The following RTN2 variants were observed in gnomAD, a reference collection of about 807,000 sequenced individuals.
RTN2 encodes reticulon-2.
RTN2 carries 36 observed loss-of-function variants against 63.7 expected under a neutral mutation model. That is an observed-to-expected ratio of 0.56 (90% CI 0.43 to 0.75). The LOEUF (loss-of-function observed/expected upper bound fraction) is 0.75. RTN2 is among the 30% of genes least tolerant of loss of function. RTN2 has a pLI of 0.00. For missense variants in RTN2, 673 were observed against 705.1 expected, an observed-to-expected ratio of 0.95 and a Z score of 0.52; for synonymous variants, 312 against 313.0, an observed-to-expected ratio of 1.00 and a Z score of 0.03.
intron 7 of RTN2, 66 bp downstream of exon 7, chr19:45,488,782 C>G: frequency 6.3e-7 from 1 of 1,592,926 alleles, no homozygotes; most frequent in African/African-American, 1.3e-5. Context: ...AACAGTCGCC[C>G]TCCCACCCCC....
intron 1 of RTN2, 99 bp downstream of exon 1, chr19:45,496,693 C>A (rs1455805008): frequency 6.6e-6 from 5 of 759,364 alleles, no homozygotes; most frequent in African/African-American, 5.5e-5. Flanking sequence ...CTCCTCCCCC[C>A]ATCCCGGCTC....
chr19:45,493,359 T>C lies in RTN2; in HGVS notation c.834A>G (p.Leu278=), dbSNP rs1555798029. The C allele has an allele frequency of 6.2e-7, 1 of 1,608,748 alleles. No individual in the cohort carries two copies. The highest frequency in any genetic ancestry group is 8.5e-7 in the Non-Finnish European group (1 of 1,178,604). The change falls in exon 5 of 11, where the codon TTA becomes TTG. Residue 278 remains leucine, a synonymous_variant. Coordinates refer to ENST00000245923, the MANE Select transcript of RTN2 (RefSeq NM_005619.5). ...AAACAGCCAAAAGCAATGATGTCTTTAACCATTCCATAGCTGTTCCTGGAG... is the reference window on the plus strand; with the variant it reads ...AAACAGCCAAAAGCAATGATGTCTTCAACCATTCCATAGCTGTTCCTGGAG... The part of the protein sequence containing the change: ...PRLLGTAMEW[L]KTSLLLAVYK...
Position 45,493,166 on chromosome 19 carries a change from T to A in RTN2, c.1027A>T (p.Ser343Cys). The change falls in exon 5 of 11, where the codon AGT becomes TGT. Residue 343 changes from serine (S) to cysteine (C), a missense_variant. Transcript: ENST00000245923. ...PSLSLGADMG[S>C]KVADLLYWKD... ...GCCCGTTCCGCAAGCCCACCTTTAC[T>A]CCCCATATCGGCTCCGAGTGAGAGG... The A allele has an allele frequency of 1.2e-6, 2 of 1,611,348 alleles. No individual in the cohort carries two copies. The highest frequency in any genetic ancestry group is 1.7e-6 in the Non-Finnish European group (2 of 1,179,678).
At position 45,489,530 on chromosome 19, in the gene RTN2, C is replaced by G. The variant is rs1469719785; in HGVS notation, c.1057G>C (p.Asp353His). ...AAGACCACTCCTGACGTCCTCGTGT[C>G]CTTCCAGTACAGCAGGTCCGCCACT... ...SKVADLLYWK[D>H]TRTSGVVFTG... Residue 353 changes from aspartate to histidine, a missense_variant, in exon 6 of 11, where the codon GAC becomes CAC. Coordinates refer to ENST00000245923, the MANE Select transcript of RTN2 (RefSeq NM_005619.5). The G allele has an allele frequency of 1.2e-6, 2 of 1,605,808 alleles. No individual in the cohort carries two copies. Among genetic ancestry groups the G allele is most frequent in the Non-Finnish European group, 1.7e-6 (2 of 1,176,394 alleles).
intron 5 of RTN2, among the ~76,000 whole-genome samples, chr19:45,490,311 T>C (rs913975604): frequency 3.9e-5 from 6 of 152,150 alleles, no homozygotes; most frequent in African/African-American, 1.4e-4. Flanking sequence ...TAATTCATTA[T>C]TTTAAAGAGC....
At position 45,494,049 on chromosome 19, in the gene RTN2, A is replaced by C; in HGVS notation, c.814+117T>G. 2 of 1,434,594 alleles carry C rather than the reference A, an allele frequency of 1.4e-6. No homozygotes were observed. The highest frequency in any genetic ancestry group is 1.9e-6 in the Non-Finnish European group (2 of 1,066,820). 88.9% of individuals were successfully genotyped at this position (1,434,594 alleles called of 1,614,324 possible). ...TCTAGCCAGATGTGATATCACGTCT[A>C]TCTCTTCCCTTTTCCACTATGTACT... is the stretch of plus-strand genomic sequence containing the variant. On this transcript the variant is annotated intron_variant, in intron 4 of 10. Transcript: ENST00000245923. The surrounding 1 kb of genome is among the most constrained non-coding windows in gnomAD (Gnocchi z 5.3).
chr19:45,493,334 A>G lies in RTN2; in HGVS notation c.859T>C (p.Tyr287His). 1 of 1,610,778 alleles carries G rather than the reference A, an allele frequency of 6.2e-7. No individual in the cohort carries two copies. The highest frequency in any genetic ancestry group is 8.5e-7 in the Non-Finnish European group (1 of 1,179,220). ...WLKTSLLLAV[Y>H]KTVPILELSP... ...AATTCCAAAATTGGAACCGTCTTGT[A>G]AACAGCCAAAAGCAATGATGTCTTT... The change falls in exon 5 of 11, where the codon TAC becomes CAC. Residue 287 changes from tyrosine (Y) to histidine (H), a missense_variant. Tyr to His is a moderately conservative substitution (Grantham distance 83). Coordinates refer to ENST00000245923, the MANE Select transcript of RTN2 (RefSeq NM_005619.5).
chr19:45,487,237 G>T (rs1968045080), intron 9 of RTN2, among the ~76,000 whole-genome samples: 1 of 151,676 alleles, frequency 6.6e-6, no homozygotes, highest in South Asian at 2.1e-4. Flanking sequence ...AGAGATGGGG[G>T]TCTTACTATG....
rs765970940 is a variant in RTN2, at chr19:45,494,915, C to A, written c.170G>T (p.Gly57Val). The A allele has an allele frequency of 1.2e-6, 2 of 1,613,162 alleles. No homozygotes were observed. The highest frequency in any genetic ancestry group is 1.1e-5 in the South Asian group (1 of 91,072). Residue 57 changes from glycine (G) to valine (V), a missense_variant, in exon 3 of 11, where the codon GGC becomes GTC. Gly to Val is a moderately radical substitution (Grantham distance 109). Transcript: ENST00000245923. This position sits in a 1 kb window ranked among gnomAD's most constrained non-coding sequence, Gnocchi z 5.3. ...GGAGAAGGTCAGCTCCCGGGGGGTG[C>A]CCCAGTCCTGCGACGTGGTCTCCTC... ...DEEETTSQDW[G>V]TPRELTFSYI... is the part of the protein sequence containing the mutation.
In RTN2 at chr19:45,487,032, C is replaced by CTTTTTTT. The variant is rs34799041; in HGVS notation, c.1498-926_1498-920dup. Among the ~76,000 whole-genome samples, 9 of 39,174 alleles carry CTTTTTTT rather than the reference C, an allele frequency of 2.3e-4. 2 individuals carry two copies. The highest frequency in any genetic ancestry group is 9.2e-4 in the East Asian group (1 of 1,082). The allele number at this position is 39,174 out of a possible 152,430, so 25.7% of individuals were successfully genotyped here. The stretch of plus-strand genomic sequence containing the variant: ...ACAAGCGTGAGCCACCATGCCCAGC[C>CTTTTTTT]TTTTTTTTTTTTTTTTTTTTTTTTT... On this transcript the variant is annotated intron_variant, in intron 9 of 10. Transcript: ENST00000245923.
intron 4 of RTN2, 67 bp from the exon 5 acceptor site, chr19:45,493,445 GA>G (rs1568624869): frequency 8.6e-7 from 1 of 1,162,500 alleles, no homozygotes; most frequent in Non-Finnish European, 1.3e-6. Flanking sequence ...ATGTGGTCAG[GA>G]AAAAGAGGGT....
At chr19:45,488,549 T>G (rs1293862472) in intron 8 of RTN2, 32 bp from the exon 9 acceptor site, 3 of 1,613,764 alleles carry the variant, frequency 1.9e-6, no homozygotes, top group African/African-American at 1.3e-5. Flanking sequence ...CGTCAGGGTG[T>G]TCCCAAGAGA....
chr19:45,487,583 G>GTTTTTTTTTTTTTTTTTTTTTTTTGTT (rs4031036), intron 9 of RTN2, among the ~76,000 whole-genome samples: 1 of 105,752 alleles, frequency 9.5e-6, no homozygotes, highest in Non-Finnish European at 1.9e-5. Flanking sequence ...TTATTTTTTG[G>GTTTTTTTTTTTTTTTTTTTTTTTTGTT]TTTTTTTTTT....
intron 5 of RTN2, 136 bp downstream of exon 5, chr19:45,493,024 G>T: frequency 1.1e-6 from 1 of 913,044 alleles, no homozygotes. Flanking sequence ...ACTGCCCCTC[G>T]GCCCCCTAGC....
At chr19:45,488,334 G>A (rs1035350834) in intron 9 of RTN2, 137 bp downstream of exon 9, 2 of 793,818 alleles carry the variant, frequency 2.5e-6, no homozygotes, top group Non-Finnish European at 4.2e-6. Context: ...TTAGACTCTG[G>A]TTGTATTGGG....
At chr19:45,485,954 G>A in intron 10 of RTN2, 101 bp downstream of exon 10, 6 of 1,305,372 alleles carry the variant, frequency 4.6e-6, no homozygotes, top group Non-Finnish European at 5.5e-6. Flanking sequence ...CTTTTCAAGG[G>A]GACATTACCC....
chr19:45,488,827 G>C, intron 7 of RTN2, 21 bp downstream of exon 7: 1 of 1,599,110 alleles, frequency 6.3e-7, no homozygotes, highest in Non-Finnish European at 8.5e-7. Context: ...AACCCAGGAG[G>C]GGCTGAGAGC....
rs548413340 is a variant in RTN2 at position 45,496,324 on chromosome 19, T to C, written c.34+468A>G. The stretch of plus-strand genomic sequence containing the variant: ...GCCCCCAAACCACGGATGGCTGTTT[T>C]CCCGGGACAGGGTTGGACAGTTTGG... On this transcript the variant is annotated intron_variant, in intron 1 of 10. Coordinates refer to ENST00000245923, the MANE Select transcript of RTN2 (RefSeq NM_005619.5). 2.0e-5 allele frequency among the ~76,000 whole-genome samples: 3 copies of C among 152,346 alleles called. No individual in the cohort carries two copies. In the East Asian group the frequency reaches 5.8e-4, roughly 29 times the overall value.
intron 5 of RTN2, among the ~76,000 whole-genome samples, chr19:45,492,854 G>C (rs532462514): frequency 3.3e-4 from 51 of 152,258 alleles, no homozygotes; most frequent in East Asian, 2.7e-3. Flanking sequence ...AGGCACGCTG[G>C]GGGGAGGGGG....
Sources: allele counts gnomAD v4.1 joint callset (sites outside exome capture counted in the v4.1 genomes callset), GRCh38; gene constraint gnomAD v4.1.1; non-coding constraint Gnocchi (gnomAD v3.1); transcripts MANE v1.5; gene names NCBI Gene and HGNC (gene_info 2026-07-23, HGNC 2026-07-21).